TACC2: variants seen among roughly 807,000 people sequenced by gnomAD.
TACC2 encodes the protein transforming acidic coiled-coil containing protein 2.
In TACC2, 137 loss-of-function variants were observed where a neutral mutation model predicts 227.3. That is an observed-to-expected ratio of 0.60 (90% CI 0.52 to 0.69). The LOEUF (loss-of-function observed/expected upper bound fraction) is 0.69. Ranked by LOEUF, TACC2 falls within the 30% of genes least tolerant of loss-of-function variation. The pLI, the probability that TACC2 is intolerant of heterozygous loss-of-function variation, is 0.00. For synonymous variants in TACC2, 1,523 were observed against 1,487.5 expected (o/e 1.02, Z -0.55); for missense variants, 3,470 against 3,694.4 (o/e 0.94, Z 1.57).
At chr10:122,249,411 C>A in intron 21 of TACC2, 133 bp from the exon 22 acceptor site, 1 of 1,278,468 alleles carries the variant, frequency 7.8e-7, no homozygotes, top group Non-Finnish European at 1.1e-6. Flanking sequence ...TTCTCATGGG[C>A]TCCTGTGCTC....
chr10:122,042,086 C>T (rs1321876026), intron 2 of TACC2, among the ~76,000 whole-genome samples: 2 of 152,148 alleles, frequency 1.3e-5, no homozygotes, highest in Non-Finnish European at 2.9e-5. Flanking sequence ...GCTGGGACCA[C>T]AGGCGCCCGC....
In TACC2 at chr10:122,069,703, G is replaced by C. The variant is rs1025206091; in HGVS notation, c.147-12944G>C. ...AAACATTGAAAAGCCACCGTATCAA[G>C]TTGCTTTCTTGGGTTTTAAATAGGA... On this transcript the variant is annotated intron_variant, in intron 3 of 22. Coordinates refer to ENST00000369005, the MANE Select transcript of TACC2 (RefSeq NM_206862.4). Among the ~76,000 whole-genome samples the C allele has an allele frequency of 7.9e-5, 12 of 152,176 alleles. 1 individual carries two copies. Among genetic ancestry groups the C allele is most frequent in the Admixed American group, 2.6e-4 (4 of 15,272 alleles).
chr10:122,144,339 TG>T (rs1301160504), intron 7 of TACC2, among the ~76,000 whole-genome samples: 3 of 152,214 alleles, frequency 2.0e-5, no homozygotes, highest in Non-Finnish European at 2.9e-5. Context: ...CTGGGTTCAA[TG>T]GGCCAGCCAA....
chr10:122,238,157 T>G, intron 18 of TACC2, 120 bp downstream of exon 18: 1 of 696,390 alleles, frequency 1.4e-6, no homozygotes, highest in East Asian at 2.6e-5. Flanking sequence ...TCTTCTTTAT[T>G]ACACACAGTT....
Position 122,078,656 on chromosome 10 carries a change from C to T in TACC2, c.147-3991C>T, listed in dbSNP as rs181182391. On this transcript the variant is annotated intron_variant, in intron 3 of 22. Coordinates refer to ENST00000369005, the MANE Select transcript of TACC2 (RefSeq NM_206862.4). The stretch of plus-strand genomic sequence containing the variant: ...AGGCTCTATCCCACACATTTCAACT[C>T]AATCTCGAAGCATAAAAGGATATTA... 3.2e-3 allele frequency among the ~76,000 whole-genome samples: 493 copies of T among 152,364 alleles called. 7 individuals are homozygous for T. Among genetic ancestry groups the T allele is most frequent in the African/African-American group, 0.011 (466 of 41,584 alleles).
intron 1 of TACC2, among the ~76,000 whole-genome samples, chr10:122,011,621 C>T (rs1251579875): frequency 1.3e-5 from 2 of 152,170 alleles, no homozygotes; most frequent in Non-Finnish European, 2.9e-5. Flanking sequence ...AGCGGCCGTG[C>T]CTGGCCATAG....
In TACC2 at chr10:122,087,485, C is replaced by T. The variant is rs1450988527; in HGVS notation, c.4985C>T (p.Pro1662Leu). ...TLDTLGGERR[P>L]GVTAGILEMR... ...GACACGCTTGGGGGTGAAAGGAGACCCGGAGTCACTGCTGGCATCTTGGAA... is the reference window on the plus strand; with the variant it reads ...GACACGCTTGGGGGTGAAAGGAGACTCGGAGTCACTGCTGGCATCTTGGAA... The change falls in exon 4 of 23, where the codon CCC becomes CTC. Residue 1662 changes from proline (P) to leucine (L), a missense_variant. Pro to Leu is a moderately conservative substitution (Grantham distance 98). Coordinates refer to ENST00000369005, the MANE Select transcript of TACC2 (RefSeq NM_206862.4). The T allele has an allele frequency of 4.3e-6, 7 of 1,613,842 alleles. No individual in the cohort carries two copies. Among genetic ancestry groups the T allele is most frequent in the Admixed American group, 1.7e-5 (1 of 59,996 alleles).
At chr10:122,190,305 G>A (rs1034435240) in intron 7 of TACC2, among the ~76,000 whole-genome samples, 2 of 152,188 alleles carry the variant, frequency 1.3e-5, no homozygotes, top group Non-Finnish European at 2.9e-5. Context: ...TTGCTTTGGG[G>A]CCAATTTCCA....
chr10:122,171,442 G>A (rs1378603064), intron 7 of TACC2, among the ~76,000 whole-genome samples: 1 of 152,204 alleles, frequency 6.6e-6, no homozygotes, highest in Non-Finnish European at 1.5e-5. Context: ...ATGGGGCCGA[G>A]AACTCAGGCC....
chr10:122,039,943 A>G (rs2074042901), intron 2 of TACC2, among the ~76,000 whole-genome samples: 1 of 151,490 alleles, frequency 6.6e-6, no homozygotes, highest in Admixed American at 6.6e-5. Context: ...TGCTAATTGG[A>G]GGTTCCTCTT....
intron 7 of TACC2, among the ~76,000 whole-genome samples, chr10:122,147,433 C>T (rs111301601): frequency 7.9e-5 from 12 of 152,354 alleles, no homozygotes; most frequent in African/African-American, 2.9e-4. Context: ...GCATGAGCCA[C>T]TGCGCCCCGC....
intron 17 of TACC2, 136 bp downstream of exon 17, chr10:122,237,674 C>T (rs985223351): frequency 1.4e-5 from 16 of 1,141,410 alleles, no homozygotes; most frequent in Middle Eastern, 2.8e-4. Flanking sequence ...GCACACCATG[C>T]GTTTTGATCT....
intron 7 of TACC2, among the ~76,000 whole-genome samples, chr10:122,183,486 G>A (rs1593041758): frequency 6.6e-6 from 1 of 152,162 alleles, no homozygotes; most frequent in African/African-American, 2.4e-5. Flanking sequence ...CACTCCCTGC[G>A]GGTTCCAAGA....
At chr10:122,040,491 C>T (rs1186061692) in intron 2 of TACC2, among the ~76,000 whole-genome samples, 2 of 152,082 alleles carry the variant, frequency 1.3e-5, no homozygotes, top group East Asian at 1.9e-4. Flanking sequence ...TCTGGAGAGC[C>T]CTACAGGGGA....
At chr10:122,187,530 G>A (rs924627559) in intron 7 of TACC2, among the ~76,000 whole-genome samples, 28 of 151,104 alleles carry the variant, frequency 1.9e-4, no homozygotes, top group Admixed American at 4.0e-4. Flanking sequence ...TCGCTCTGTC[G>A]CCCAGACTGG....
chr10:122,086,982 A>G lies in TACC2; in HGVS notation c.4482A>G (p.Ser1494=), dbSNP rs750498409. 6.2e-7 allele frequency: 1 copy of G among 1,613,954 alleles called. No individual in the cohort carries two copies. Among genetic ancestry groups the G allele is most frequent in the South Asian group, 1.1e-5 (1 of 91,086 alleles). Residue 1494 remains serine, a synonymous_variant, in exon 4 of 23, where the codon TCA becomes TCG. Transcript: ENST00000369005. ...ISHLALQDPA[S]DKLLGPAGLT... ...ATCTGGCTCTGCAAGATCCAGCTTC[A>G]GACAAGCTTCTGGGTCCAGCAGGGC...
At position 122,084,076 on chromosome 10, in the gene TACC2, G is replaced by A. The variant is rs761904658; in HGVS notation, c.1576G>A (p.Val526Ile). 4 of 1,614,046 alleles carry A rather than the reference G, an allele frequency of 2.5e-6. No individual in the cohort carries two copies. The highest frequency in any genetic ancestry group is 1.1e-5 in the South Asian group (1 of 91,074). ...TCTTCCCAAGGAGCAAAGCCATGAG[G>A]TCCAACCAGGAGCACCACCCCCTCC... ...PPLPKEQSHE[V>I]QPGAPPPPLP... The change falls in exon 4 of 23, where the codon GTC becomes ATC. Residue 526 changes from valine to isoleucine, a missense_variant. By Grantham distance (29) the Val-to-Ile change is conservative. This residue lies in a region of TACC2 where 1,924 missense variants were observed against 1,978.3 expected (regional missense o/e 0.97). Coordinates refer to ENST00000369005, the MANE Select transcript of TACC2 (RefSeq NM_206862.4).
intron 1 of TACC2, among the ~76,000 whole-genome samples, chr10:122,001,989 C>T (rs1205236881): frequency 1.3e-5 from 2 of 152,136 alleles, no homozygotes; most frequent in Admixed American, 1.3e-4. Context: ...TTATTCAGCC[C>T]AGGCTGCTAT....
chr10:122,122,318 G>C (rs1166197936), intron 5 of TACC2, among the ~76,000 whole-genome samples: 2 of 152,124 alleles, frequency 1.3e-5, no homozygotes, highest in Non-Finnish European at 2.9e-5. Context: ...TCGTGCCACT[G>C]TACTCCAGCC....
Sources: allele counts gnomAD v4.1 joint callset (sites outside exome capture counted in the v4.1 genomes callset), GRCh38; gene constraint gnomAD v4.1.1; regional missense constraint gnomAD v4.1.1; transcripts MANE v1.5; gene names NCBI Gene and HGNC (gene_info 2026-07-23, HGNC 2026-07-21).